Variants in TENM3 observed in about 807,000 individuals in gnomAD.
TENM3 encodes the protein teneurin transmembrane protein 3.
TENM3 carries 63 observed loss-of-function variants against 255.1 expected under a neutral mutation model. That is an observed-to-expected ratio of 0.25 (90% CI 0.20 to 0.30). TENM3 has a LOEUF of 0.30. TENM3 is among the 10% of genes least tolerant of loss of function. The pLI, the probability that TENM3 is intolerant of heterozygous loss-of-function variation, is 1.00. For missense variants in TENM3, 2,929 were observed against 3,461.1 expected, an observed-to-expected ratio of 0.85 and a Z score of 3.86; for synonymous variants, 1,306 against 1,322.3, an observed-to-expected ratio of 0.99 and a Z score of 0.27.
At chr4:181,892,251 TC>T in the TENM3 span, among the ~76,000 whole-genome samples, 2 of 152,188 alleles carry the variant, frequency 1.3e-5, no homozygotes, top group Non-Finnish European at 2.9e-5. Flanking sequence ...CTCTCTCCCA[TC>T]CCACACTCAG....
At chr4:182,052,268 ACAAT>A in the TENM3 span, among the ~76,000 whole-genome samples, 1 of 152,112 alleles carries the variant, frequency 6.6e-6, no homozygotes, top group Non-Finnish European at 1.5e-5. Flanking sequence ...CCTGAGTTAC[ACAAT>A]CAAAGAGCCC....
At position 182,405,244 on chromosome 4, in the gene TENM3, C is replaced by G. The variant is rs73869972; in HGVS notation, c.511+58315C>G. On this transcript the variant is annotated intron_variant, in intron 3 of 27. Coordinates refer to ENST00000511685, the MANE Select transcript of TENM3 (RefSeq NM_001080477.4). ...CGTCCTGGAACATTCCCTCACCTCC[C>G]CGCTACAATCTATCGCTTCTCCTGA... Among the ~76,000 whole-genome samples, 1,141 of 152,312 alleles carry G rather than the reference C, an allele frequency of 7.5e-3. 15 individuals carry two copies. Among genetic ancestry groups the G allele is most frequent in the African/African-American group, 0.025 (1,056 of 41,558 alleles).
intron 1 of TENM3, among the ~76,000 whole-genome samples, chr4:182,161,970 T>A (rs1267248116): frequency 3.8e-5 from 1 of 26,084 alleles, no homozygotes; most frequent in African/African-American, 7.6e-5. Context: ...TATATATATA[T>A]ATATATATAT....
At chr4:182,493,316 A>G in intron 3 of TENM3, among the ~76,000 whole-genome samples, 1 of 152,158 alleles carries the variant, frequency 6.6e-6, no homozygotes, top group South Asian at 2.1e-4. Flanking sequence ...TTCAAAGGAG[A>G]CAAGCTGCAA....
At chr4:181,470,108 T>TAAAAAAAAAAAA in the TENM3 span, among the ~76,000 whole-genome samples, 29 of 112,752 alleles carry the variant, frequency 2.6e-4, no homozygotes, top group African/African-American at 7.2e-4. Flanking sequence ...ATAGCTTCTG[T>TAAAAAAAAAAAA]AAAAAAAAAA....
the TENM3 span, among the ~76,000 whole-genome samples, chr4:181,700,004 A>T: frequency 6.6e-6 from 1 of 152,152 alleles, no homozygotes; most frequent in African/African-American, 2.4e-5. Flanking sequence ...CTCTATGAAG[A>T]TAGAGAAAAC....
rs1023299037 is a variant in TENM3 at position 182,485,184 on chromosome 4, G to A, written c.512-115740G>A. Among the ~76,000 whole-genome samples, 3 of 152,044 alleles carry A rather than the reference G, an allele frequency of 2.0e-5. No individual in the cohort carries two copies. The East Asian group carries it at 5.8e-4, about 29-fold the overall frequency. On this transcript the variant is annotated intron_variant, in intron 3 of 27. Transcript: ENST00000511685. Reference sequence around the variant, plus strand: ...AAATGGCTTTCACAGCCCTGTCCTCGTTTGTATTTTTAGGAGTGACATAAG... The same window carrying A: ...AAATGGCTTTCACAGCCCTGTCCTCATTTGTATTTTTAGGAGTGACATAAG...
the TENM3 span, among the ~76,000 whole-genome samples, chr4:181,504,926 G>A: frequency 3.0e-4 from 46 of 152,328 alleles, 1 homozygote; most frequent in South Asian, 8.7e-3. Flanking sequence ...TAGCCTGAGT[G>A]ATGACATGCA....
the TENM3 span, among the ~76,000 whole-genome samples, chr4:181,656,081 G>A: frequency 6.6e-6 from 1 of 152,132 alleles, no homozygotes; most frequent in South Asian, 2.1e-4. Context: ...CAGCCAGAAA[G>A]ATGCAAGAAG....
At chr4:182,252,156 C>G (rs1758056799) in intron 1 of TENM3, among the ~76,000 whole-genome samples, 1 of 151,620 alleles carries the variant, frequency 6.6e-6, no homozygotes, top group African/African-American at 2.4e-5. Flanking sequence ...GCACTCCAGC[C>G]TCGGCAACAG....
chr4:181,987,218 T>C, the TENM3 span, among the ~76,000 whole-genome samples: 1 of 152,094 alleles, frequency 6.6e-6, no homozygotes, highest in Non-Finnish European at 1.5e-5. Context: ...AAAGCCAGAA[T>C]TTGAATCTAG....
the TENM3 span, among the ~76,000 whole-genome samples, chr4:182,019,547 G>C: frequency 6.6e-6 from 1 of 152,288 alleles, no homozygotes; most frequent in South Asian, 2.1e-4. Context: ...TATCAGTTCT[G>C]TTATGAAAAA....
intron 4 of TENM3, among the ~76,000 whole-genome samples, chr4:182,616,547 A>G (rs1239993568): frequency 2.1e-5 from 3 of 143,210 alleles, no homozygotes; most frequent in Admixed American, 7.1e-5. Context: ...AAAGGTCAGG[A>G]GATCAAGACC....
intron 3 of TENM3, among the ~76,000 whole-genome samples, chr4:182,570,165 A>C (rs1049474995): frequency 1.3e-5 from 2 of 152,210 alleles, no homozygotes; most frequent in Non-Finnish European, 2.9e-5. Context: ...ATCGAGGAAC[A>C]GTAAAATTCA....
the TENM3 span, among the ~76,000 whole-genome samples, chr4:181,684,036 G>A: frequency 6.6e-6 from 1 of 152,220 alleles, no homozygotes; most frequent in African/African-American, 2.4e-5. Context: ...TATTGTAGGT[G>A]GGAGAAGGAC....
chr4:182,041,315 T>C, the TENM3 span, among the ~76,000 whole-genome samples: 1 of 152,148 alleles, frequency 6.6e-6, no homozygotes, highest in East Asian at 1.9e-4. Flanking sequence ...TGGGAGGGCC[T>C]TTAAACAAGA....
At chr4:182,453,445 C>T (rs1773629364) in intron 3 of TENM3, among the ~76,000 whole-genome samples, 1 of 152,130 alleles carries the variant, frequency 6.6e-6, no homozygotes, top group African/African-American at 2.4e-5. Flanking sequence ...GAGTTTCTCT[C>T]TTAAATGTTA....
intron 1 of TENM3, among the ~76,000 whole-genome samples, chr4:182,296,986 G>A (rs542787139): frequency 3.3e-5 from 5 of 152,306 alleles, no homozygotes; most frequent in African/African-American, 1.2e-4. Flanking sequence ...CATACACAAA[G>A]AAGGGAAGAT....
At chr4:181,713,688 C>A in the TENM3 span, among the ~76,000 whole-genome samples, 1 of 152,048 alleles carries the variant, frequency 6.6e-6, no homozygotes, top group African/African-American at 2.4e-5. Context: ...AGATTGAGAA[C>A]CAGTAGACTA....
Sources: gnomAD v4.1 joint callset for allele counts (sites outside exome capture counted in the v4.1 genomes callset) on GRCh38, gnomAD v4.1.1 for gene constraint, MANE v1.5 for transcripts, NCBI Gene and HGNC (gene_info 2026-07-23, HGNC 2026-07-21) for gene names.